The following PLEKHG1 variants were observed in gnomAD, a reference collection of about 807,000 sequenced individuals.
The protein encoded by PLEKHG1 is pleckstrin homology and RhoGEF domain containing G1, also known as pleckstrin homology domain-containing family G member 1.
Under a neutral mutation model 100.8 loss-of-function variants are expected in PLEKHG1, and 44 were observed. The observed-to-expected ratio is 0.44, with a 90% CI of 0.34 to 0.56. The LOEUF is 0.56. Among genes scored for constraint, PLEKHG1 ranks in the 20% least tolerant of loss-of-function variants. PLEKHG1 has a pLI of 0.01. For missense variants in PLEKHG1, 1,545 were observed against 1,720.9 expected, an observed-to-expected ratio of 0.90 and a Z score of 1.81; for synonymous variants, 640 against 662.5, an observed-to-expected ratio of 0.97 and a Z score of 0.52.
At chr6:150,621,586 G>T (rs1777303336) in intron 1 of PLEKHG1, among the ~76,000 whole-genome samples, 1 of 152,080 alleles carries the variant, frequency 6.6e-6, no homozygotes, top group Non-Finnish European at 1.5e-5. Flanking sequence ...TGTTGGCCAG[G>T]CTAGTCTTGA....
intron 1 of PLEKHG1, among the ~76,000 whole-genome samples, chr6:150,602,184 A>G (rs568113752): frequency 5.9e-5 from 9 of 152,306 alleles, no homozygotes; most frequent in African/African-American, 9.6e-5. Context: ...ACCAAAAGCA[A>G]TTCCTGAAGC....
At chr6:150,731,329 G>C (rs1383372990) in intron 1 of PLEKHG1, among the ~76,000 whole-genome samples, 1 of 152,168 alleles carries the variant, frequency 6.6e-6, no homozygotes, top group Non-Finnish European at 1.5e-5. Flanking sequence ...GCAAACTCTA[G>C]CATGTGGTAG....
chr6:150,600,192 G>T lies in PLEKHG1; in HGVS notation c.-204+175G>T, dbSNP rs1776277629. On this transcript the variant is annotated intron_variant, in intron 1 of 3. Coordinates refer to the PLEKHG1 transcript ENST00000367326. This position sits in a 1 kb window ranked among gnomAD's most constrained non-coding sequence, Gnocchi z 6.2. Reference sequence around the variant, plus strand: ...CAGTGGGGACGGAGGGCCTTGGGGGGCGCCGAGCGGTGGGGACAGAGGGCG... The same window carrying T: ...CAGTGGGGACGGAGGGCCTTGGGGGTCGCCGAGCGGTGGGGACAGAGGGCG... Among the ~76,000 whole-genome samples, 1 of 151,332 alleles carries T rather than the reference G, an allele frequency of 6.6e-6. No individual in the cohort carries two copies. The highest frequency in any genetic ancestry group is 2.1e-4 in the South Asian group (1 of 4,816).
intron 1 of PLEKHG1, among the ~76,000 whole-genome samples, chr6:150,612,046 C>T (rs1033557762): frequency 0.017 from 95 of 5,440 alleles, no homozygotes; most frequent in Non-Finnish European, 0.02. Flanking sequence ...TGGTGTTGTT[C>T]CCCCCCCCCC....
chr6:150,782,350 C>T (rs185863161), intron 3 of PLEKHG1, among the ~76,000 whole-genome samples: 13 of 152,110 alleles, frequency 8.5e-5, no homozygotes, highest in Non-Finnish European at 1.9e-4. Flanking sequence ...GCCGAAATCA[C>T]GTCATTGCAC....
At chr6:150,804,173 A>ATT (rs1786889406) in intron 6 of PLEKHG1, among the ~76,000 whole-genome samples, 5 of 35,008 alleles carry the variant, frequency 1.4e-4, no homozygotes, top group East Asian at 7.3e-4. Flanking sequence ...ATATATATAT[A>ATT]TATTTTTTTT....
intron 2 of PLEKHG1, among the ~76,000 whole-genome samples, chr6:150,642,388 C>T (rs757895887): frequency 5.3e-5 from 8 of 152,150 alleles, no homozygotes; most frequent in East Asian, 1.9e-4. Flanking sequence ...CATTTTATTA[C>T]GTGTAGAATC....
At position 150,809,633 on chromosome 6, in the gene PLEKHG1, A is replaced by G; in HGVS notation, c.1192-15A>G. ...GGAATCAAGTTGTCTGACTGTCTAC[A>G]TCTCGTCTTGGCAGGCCAAATCCCA... On this transcript the variant is annotated splice_polypyrimidine_tract_variant and intron_variant, in intron 9 of 15. Coordinates refer to ENST00000358517, the Ensembl canonical transcript of PLEKHG1. 6.2e-7 allele frequency: 1 copy of G among 1,610,468 alleles called. No individual in the cohort carries two copies.
intron 15 of PLEKHG1, among the ~76,000 whole-genome samples, chr6:150,837,280 A>C (rs1777280981): frequency 6.6e-6 from 1 of 152,380 alleles, no homozygotes; most frequent in South Asian, 2.1e-4. Flanking sequence ...CTAGGTACAC[A>C]CTATGTAAGA....
intron 3 of PLEKHG1, among the ~76,000 whole-genome samples, chr6:150,653,267 T>C (rs781258703): frequency 2.6e-5 from 4 of 152,154 alleles, no homozygotes; most frequent in Non-Finnish European, 4.4e-5. Flanking sequence ...CTAGCTTGTA[T>C]TATATTTGTC....
In PLEKHG1 at chr6:150,776,146, G is replaced by A. The variant is rs1237022371; in HGVS notation, c.512+7408G>A. On this transcript the variant is annotated intron_variant, in intron 3 of 15. Transcript: ENST00000358517. ...GGGATATGTTCTGTAAAAGAGAACA[G>A]TGTTTCCTCTCATTTCCCACCCAAC... Among the ~76,000 whole-genome samples, 4 of 152,202 alleles carry A rather than the reference G, an allele frequency of 2.6e-5. No homozygotes were observed. The East Asian group carries it at 7.7e-4, about 29-fold the overall frequency.
chr6:150,691,615 A>G (rs963865735), intron 3 of PLEKHG1, among the ~76,000 whole-genome samples: 2 of 152,306 alleles, frequency 1.3e-5, no homozygotes, highest in East Asian at 1.9e-4. Context: ...ATGACAGCCT[A>G]TAATCATCTC....
chr6:150,822,271 G>A (rs1339090819), intron 13 of PLEKHG1, among the ~76,000 whole-genome samples: 1 of 149,230 alleles, frequency 6.7e-6, no homozygotes, highest in Non-Finnish European at 1.5e-5. Context: ...ACATTTAAAT[G>A]AAATAAATAG....
At chr6:150,745,319 T>C (rs1436581799) in intron 2 of PLEKHG1, among the ~76,000 whole-genome samples, 1 of 152,212 alleles carries the variant, frequency 6.6e-6, no homozygotes, top group Non-Finnish European at 1.5e-5. Flanking sequence ...ATATCTGCAG[T>C]CCATCAGTGA....
intron 14 of PLEKHG1, chr6:150,827,628 G>T: frequency 1.3e-6 from 1 of 787,974 alleles, no homozygotes; most frequent in African/African-American, 1.7e-5. Flanking sequence ...TACTTCAGCG[G>T]CACAGCTGGC....
intron 7 of PLEKHG1, 112 bp downstream of exon 8, chr6:150,804,853 T>C (rs1330562586): frequency 3.1e-6 from 3 of 966,340 alleles, no homozygotes; most frequent in South Asian, 1.8e-5. Flanking sequence ...TCATCTTCAG[T>C]GTAGTTCTCC....
intron 2 of PLEKHG1, among the ~76,000 whole-genome samples, chr6:150,747,751 C>T (rs964856924): frequency 2.0e-5 from 3 of 152,050 alleles, no homozygotes; most frequent in African/African-American, 7.2e-5. Flanking sequence ...AAAAAATTAG[C>T]CAGGCGTGGT....
At chr6:150,704,245 A>G (rs1445913070) in intron 3 of PLEKHG1, among the ~76,000 whole-genome samples, 6 of 152,220 alleles carry the variant, frequency 3.9e-5, no homozygotes, top group Non-Finnish European at 7.3e-5. Context: ...GGCTTCAGAC[A>G]TAAACCTTCC....
At chr6:150,615,046 C>G (rs1777008981) in intron 1 of PLEKHG1, among the ~76,000 whole-genome samples, 1 of 152,168 alleles carries the variant, frequency 6.6e-6, no homozygotes, top group African/African-American at 2.4e-5. Context: ...AAATTGTTGT[C>G]AGGCACATTG....
Sources: allele counts gnomAD v4.1 joint callset (sites outside exome capture counted in the v4.1 genomes callset), GRCh38; gene constraint gnomAD v4.1.1; non-coding constraint Gnocchi (gnomAD v3.1); transcripts MANE v1.5; gene names NCBI Gene and HGNC (gene_info 2026-07-23, HGNC 2026-07-21).